The following ALKBH1 variants were observed in gnomAD, a reference collection of about 807,000 sequenced individuals.
ALKBH1 encodes alkB homolog 1, histone H2A dioxygenase.
A neutral mutation model predicts 36.6 loss-of-function variants in ALKBH1; 31 were observed. The observed-to-expected ratio is 0.85, with a 90% confidence interval of 0.64 to 1.14. ALKBH1 has a LOEUF of 1.14. Ranked by LOEUF, ALKBH1 falls within the 50% of genes most tolerant of loss-of-function variation. The pLI, the probability that ALKBH1 is intolerant of heterozygous loss-of-function variation, is 0.00. For missense variants in ALKBH1, 490 were observed against 497.3 expected (o/e 0.99, Z 0.14); for synonymous variants, 183 against 186.6 (o/e 0.98, Z 0.16).
intron 2 of ALKBH1, chr14:77,697,155 A>C (rs2080332114): frequency 5.4e-6 from 1 of 184,130 alleles, no homozygotes; most frequent in South Asian, 1.2e-4. Context: ...GTACTGTAAC[A>C]CCAATGGAGA....
At chr14:77,677,079 A>G (rs1047137092) in intron 4 of ALKBH1, among the ~76,000 whole-genome samples, 2 of 150,870 alleles carry the variant, frequency 1.3e-5, no homozygotes, top group African/African-American at 2.4e-5. Flanking sequence ...TCGTTCTGTC[A>G]CCCAGGCTGG....
At chr14:77,680,041 G>A (rs2080228394) in intron 3 of ALKBH1, 71 bp from the exon 4 acceptor site, 3 of 1,223,836 alleles carry the variant, frequency 2.5e-6, no homozygotes, top group Non-Finnish European at 2.4e-6. Context: ...TATGGACTCT[G>A]GAGTTAAAAT....
intron 3 of ALKBH1, among the ~76,000 whole-genome samples, chr14:77,682,923 C>T (rs1290830057): frequency 6.6e-6 from 1 of 152,146 alleles, no homozygotes; most frequent in African/African-American, 2.4e-5. Context: ...TCTTGAACTC[C>T]TGACCTCAGG....
intron 4 of ALKBH1, among the ~76,000 whole-genome samples, chr14:77,677,962 C>T (rs779148722): frequency 4.6e-5 from 7 of 151,838 alleles, no homozygotes; most frequent in Non-Finnish European, 8.8e-5. Context: ...TTTTAAAGTT[C>T]TCTTTCACTT....
At chr14:77,678,609 A>AT (rs1246991232) in intron 4 of ALKBH1, among the ~76,000 whole-genome samples, 5 of 151,050 alleles carry the variant, frequency 3.3e-5, no homozygotes, top group East Asian at 1.9e-4. Flanking sequence ...CTATACCAAT[A>AT]TTTTTTTTTC....
intron 5 of ALKBH1, 61 bp from the exon 6 acceptor site, chr14:77,674,302 T>C: frequency 2.1e-6 from 3 of 1,443,672 alleles, no homozygotes; most frequent in Non-Finnish European, 2.7e-6. Context: ...TTATTAACTA[T>C]GACTGGGAAA....
chr14:77,685,378 A>G (rs1242880723), intron 3 of ALKBH1, among the ~76,000 whole-genome samples: 9 of 151,608 alleles, frequency 5.9e-5, no homozygotes, highest in African/African-American at 1.7e-4. Context: ...AGAAGGTTGC[A>G]GTGGGCCAAG....
At position 77,673,763 on chromosome 14, in the gene ALKBH1, C is replaced by G. The variant is rs2080188892; in HGVS notation, c.*49G>C. 1.3e-6 allele frequency: 2 copies of G among 1,553,758 alleles called. No individual in the cohort carries two copies. Among genetic ancestry groups the G allele is most frequent in the East Asian group, 4.5e-5 (2 of 44,506 alleles). ...CCACGGCAATACACAATAACATGATCATTTACGGTAAGCAGGTGCCTGAGT... is the reference window on the plus strand; with the variant it reads ...CCACGGCAATACACAATAACATGATGATTTACGGTAAGCAGGTGCCTGAGT... On this transcript the variant is annotated 3_prime_UTR_variant, in exon 6 of 6. Coordinates refer to ENST00000216489, the MANE Select transcript of ALKBH1 (RefSeq NM_006020.3).
intron 2 of ALKBH1, among the ~76,000 whole-genome samples, chr14:77,702,582 C>G (rs1233761286): frequency 1.3e-5 from 2 of 152,152 alleles, no homozygotes; most frequent in Non-Finnish European, 2.9e-5. Flanking sequence ...GCAATGTTAA[C>G]TTTTACAATG....
At chr14:77,699,524 G>A (rs2080347013) in intron 2 of ALKBH1, among the ~76,000 whole-genome samples, 1 of 152,174 alleles carries the variant, frequency 6.6e-6, no homozygotes. Context: ...TTAATCTTCA[G>A]TAACTCTATG....
At chr14:77,699,723 G>A (rs906233263) in intron 2 of ALKBH1, among the ~76,000 whole-genome samples, 2 of 152,114 alleles carry the variant, frequency 1.3e-5, no homozygotes, top group African/African-American at 4.8e-5. Flanking sequence ...AAACCAGTAA[G>A]CCCACATAAG....
chr14:77,693,206 CAAA>C (rs59132199), intron 3 of ALKBH1, among the ~76,000 whole-genome samples: 2 of 126,688 alleles, frequency 1.6e-5, no homozygotes, highest in Non-Finnish European at 1.7e-5. Context: ...AACTCCGTCT[CAAA>C]AAAAAAAAAA....
At chr14:77,707,687 T>G (rs2080403450) in intron 1 of ALKBH1, 135 bp downstream of exon 1, 1 of 1,003,700 alleles carries the variant, frequency 1.0e-6, no homozygotes, top group Non-Finnish European at 1.4e-6. Context: ...GGAGTTCGAC[T>G]CTGCAGCCAA....
At chr14:77,698,208 T>C (rs886486527) in intron 2 of ALKBH1, among the ~76,000 whole-genome samples, 4 of 152,052 alleles carry the variant, frequency 2.6e-5, no homozygotes, top group Non-Finnish European at 5.9e-5. Context: ...GCTTACAGAT[T>C]GTGAAGAAAG....
At chr14:77,699,560 G>T (rs984999637) in intron 2 of ALKBH1, among the ~76,000 whole-genome samples, 6 of 152,144 alleles carry the variant, frequency 3.9e-5, no homozygotes, top group African/African-American at 1.4e-4. Context: ...CAGTTTTGCA[G>T]ATAAGAGAAC....
chr14:77,700,076 A>T (rs77028751), intron 2 of ALKBH1, among the ~76,000 whole-genome samples: 24,696 of 150,856 alleles, frequency 0.16, 2,305 homozygotes, highest in Non-Finnish European at 0.22. Context: ...AATAAATAAA[A>T]ATAAATAAAT....
chr14:77,675,421 G>A (rs902511642), intron 5 of ALKBH1, among the ~76,000 whole-genome samples: 7 of 148,852 alleles, frequency 4.7e-5, no homozygotes, highest in African/African-American at 1.0e-4. Flanking sequence ...GTGACAGAGC[G>A]AGACTCTGTT....
At chr14:77,678,299 T>C (rs1403365973) in intron 4 of ALKBH1, among the ~76,000 whole-genome samples, 2 of 152,144 alleles carry the variant, frequency 1.3e-5, no homozygotes, top group African/African-American at 4.8e-5. Context: ...CCTCAAAAAA[T>C]ATCTAGTTTC....
intron 2 of ALKBH1, among the ~76,000 whole-genome samples, chr14:77,699,377 T>C (rs1371783067): frequency 6.6e-6 from 1 of 152,244 alleles, no homozygotes; most frequent in Non-Finnish European, 1.5e-5. Context: ...CATAAATTAA[T>C]GGAATAATGA....
Sources: gnomAD v4.1 joint callset for allele counts (sites outside exome capture counted in the v4.1 genomes callset) on GRCh38, gnomAD v4.1.1 for gene constraint, MANE v1.5 for transcripts, NCBI Gene and HGNC (gene_info 2026-07-23, HGNC 2026-07-21) for gene names.